The following PAAF1 variants were observed in gnomAD, a reference collection of about 807,000 sequenced individuals.
PAAF1 encodes the protein proteasomal ATPase associated factor 1.
PAAF1 carries 46 observed loss-of-function variants against 52.8 expected under a neutral mutation model. The observed-to-expected ratio is 0.87, with a 90% CI of 0.69 to 1.11. The LOEUF is 1.11. PAAF1 is among the 50% of genes most tolerant of loss of function. The pLI is 0.00. For missense variants in PAAF1, 424 were observed against 477.4 expected (o/e 0.89, Z 1.04); for synonymous variants, 178 against 172.8 (o/e 1.03, Z -0.24).
intron 6 of PAAF1, among the ~76,000 whole-genome samples, chr11:73,906,904 T>C (rs1332413151): frequency 1.3e-5 from 2 of 152,198 alleles, no homozygotes; most frequent in Non-Finnish European, 2.9e-5. Context: ...CTTAATTTAT[T>C]GGGCACCTAT....
intron 1 of PAAF1, 30 bp from the exon 2 acceptor site, chr11:73,878,749 G>T: frequency 6.2e-7 from 1 of 1,610,882 alleles, no homozygotes; most frequent in Non-Finnish European, 8.5e-7. Flanking sequence ...CTTTGGGTAA[G>T]CCTAATTAGG....
At chr11:73,924,894 T>C (rs1405105455) in intron 11 of PAAF1, among the ~76,000 whole-genome samples, 197 bp downstream of exon 11, 1 of 152,080 alleles carries the variant, frequency 6.6e-6, no homozygotes, top group African/African-American at 2.4e-5. Flanking sequence ...GGCTCACGCC[T>C]GTAATCCCAG....
At chr11:73,920,516 C>T (rs533961055) in intron 10 of PAAF1, among the ~76,000 whole-genome samples, 38 of 151,480 alleles carry the variant, frequency 2.5e-4, no homozygotes, top group African/African-American at 6.8e-4. Context: ...GGTGACAAAG[C>T]GAGACTCTGT....
chr11:73,878,896 C>A, intron 2 of PAAF1, 77 bp downstream of exon 2: 1 of 1,408,700 alleles, frequency 7.1e-7, no homozygotes, highest in Non-Finnish European at 9.9e-7. Flanking sequence ...TTCCTACTTT[C>A]TCCTGGCCCA....
In PAAF1 at chr11:73,929,764, A is replaced by C. The variant is rs528458068; in HGVS notation, c.*2402A>C. ...GAACATCTAAGAAGTCAGATTAAGA[A>C]AACAGGATGAGGCTGGGCATGGTGG... On this transcript the variant is annotated 3_prime_UTR_variant, in exon 12 of 12. Transcript: ENST00000310571. 3.3e-5 allele frequency: 5 copies of C among 152,460 alleles called. No homozygotes were observed. In the South Asian group the frequency reaches 1.0e-3, roughly 32 times the overall value. 9.4% of individuals were successfully genotyped at this position (152,460 alleles called of 1,614,324 possible).
intron 10 of PAAF1, chr11:73,921,907 A>T: frequency 2.7e-6 from 3 of 1,113,132 alleles, no homozygotes; most frequent in Non-Finnish European, 4.0e-6. Flanking sequence ...CAGTGTATAC[A>T]TTTCTTTCTC....
In PAAF1 at chr11:73,927,404, C is replaced by T. The variant is rs774452954; in HGVS notation, c.*42C>T. On this transcript the variant is annotated 3_prime_UTR_variant, in exon 12 of 12. Coordinates refer to ENST00000310571, the MANE Select transcript of PAAF1 (RefSeq NM_025155.3). ...GTCCCGGTTAGTGAAAAGGTTTGAC[C>T]CTGATCAACAATGAGCAGAAACATC... 6.0e-6 allele frequency: 9 copies of T among 1,508,020 alleles called. No individual in the cohort carries two copies. Among genetic ancestry groups the T allele is most frequent in the African/African-American group, 1.4e-5 (1 of 72,640 alleles). The allele number at this position is 1,508,020 out of a possible 1,614,324, so 93.4% of individuals were successfully genotyped here. A position where few individuals can be genotyped will look rare whatever the true frequency, so the allele number is the denominator to read the frequency against.
intron 11 of PAAF1, among the ~76,000 whole-genome samples, 199 bp from the exon 12 acceptor site, chr11:73,927,086 C>A (rs570141283): frequency 1.7e-4 from 26 of 152,276 alleles, no homozygotes; most frequent in Middle Eastern, 3.4e-3. Context: ...CATGGTGCAT[C>A]CCAACCATTG....
At chr11:73,882,695 C>T (rs552370431) in intron 2 of PAAF1, among the ~76,000 whole-genome samples, 45 of 151,804 alleles carry the variant, frequency 3.0e-4, no homozygotes, top group African/African-American at 1.1e-3. Context: ...CTCCGCCTTC[C>T]AGGTTCATGC....
rs547859907 is a variant in PAAF1, at chr11:73,898,893, T to C, written c.283-253T>C. ...TGAAATGGGGATAGGGAAAACTTTTTAGCTGAAGCATTAGACTTCAGATGA... is the reference window on the plus strand; with the variant it reads ...TGAAATGGGGATAGGGAAAACTTTTCAGCTGAAGCATTAGACTTCAGATGA... On this transcript the variant is annotated intron_variant, in intron 4 of 11. Transcript: ENST00000310571. Among the ~76,000 whole-genome samples, 6 of 152,292 alleles carry C rather than the reference T, an allele frequency of 3.9e-5. No homozygotes were observed. The East Asian group carries it at 9.6e-4, about 24-fold the overall frequency.
chr11:73,916,526 G>A lies in PAAF1; in HGVS notation c.820-19G>A. ...AAATTAATCTTTAAACAGCATTTTT[G>A]CCTCCTACTTGTTCCCAGGTGTTCC... On this transcript the variant is annotated intron_variant, in intron 8 of 11. Transcript: ENST00000310571. The A allele has an allele frequency of 6.5e-7, 1 of 1,528,912 alleles. No homozygotes were observed. Among genetic ancestry groups the A allele is most frequent in the Non-Finnish European group, 9.0e-7 (1 of 1,114,296 alleles). 94.7% of individuals were successfully genotyped at this position (1,528,912 alleles called of 1,614,324 possible).
At chr11:73,896,862 C>T (rs963361158) in intron 4 of PAAF1, among the ~76,000 whole-genome samples, 2 of 151,812 alleles carry the variant, frequency 1.3e-5, no homozygotes, top group African/African-American at 4.8e-5. Context: ...CCTCACTTCC[C>T]AGTAGGCGCG....
At chr11:73,919,847 A>T (rs999902117) in intron 10 of PAAF1, among the ~76,000 whole-genome samples, 2 of 152,222 alleles carry the variant, frequency 1.3e-5, no homozygotes, top group Non-Finnish European at 2.9e-5. Flanking sequence ...TTATTTACAG[A>T]ACACCCAGCT....
intron 2 of PAAF1, among the ~76,000 whole-genome samples, chr11:73,881,347 C>T (rs1948901312): frequency 6.6e-6 from 1 of 152,190 alleles, no homozygotes; most frequent in Admixed American, 6.5e-5. Context: ...AATGCAGTGG[C>T]ATGATCTCAG....
intron 10 of PAAF1, among the ~76,000 whole-genome samples, chr11:73,922,946 T>C (rs1950262736): frequency 6.6e-6 from 1 of 152,060 alleles, no homozygotes; most frequent in Non-Finnish European, 1.5e-5. Context: ...TTGATGCAAA[T>C]TGCCAAACAT....
chr11:73,924,580 C>A, intron 10 of PAAF1, 35 bp from the exon 11 acceptor site: 2 of 1,548,048 alleles, frequency 1.3e-6, no homozygotes, highest in Non-Finnish European at 1.8e-6. Context: ...ATGCAGTTTT[C>A]TCTTAGTTAT....
intron 2 of PAAF1, 28 bp downstream of exon 2, chr11:73,878,847 G>C (rs2135117181): frequency 6.2e-7 from 1 of 1,603,964 alleles, no homozygotes; most frequent in Non-Finnish European, 8.5e-7. Flanking sequence ...TATATGCTGT[G>C]ACTTTAAAGG....
At chr11:73,884,863 C>CTTT (rs1201853305) in intron 2 of PAAF1, among the ~76,000 whole-genome samples, 1 of 143,986 alleles carries the variant, frequency 6.9e-6, no homozygotes, top group African/African-American at 2.6e-5. Context: ...TTCTTTTATT[C>CTTT]TTTTTTTTTT....
At chr11:73,897,053 C>A (rs1949403534) in intron 4 of PAAF1, among the ~76,000 whole-genome samples, 1 of 141,720 alleles carries the variant, frequency 7.1e-6, no homozygotes, top group Non-Finnish European at 1.6e-5. Flanking sequence ...GTAGGGGCGG[C>A]CGGGCAGAGG....
Sources: allele counts gnomAD v4.1 joint callset (sites outside exome capture counted in the v4.1 genomes callset), GRCh38; gene constraint gnomAD v4.1.1; transcripts MANE v1.5; gene names NCBI Gene and HGNC (gene_info 2026-07-23, HGNC 2026-07-21).